Variants in ECE2 observed in about 807,000 individuals in gnomAD.
ECE2 encodes the protein endothelin-converting enzyme 2.
Under a neutral mutation model 100.6 loss-of-function variants are expected in ECE2, and 81 were observed. The ratio of observed to expected loss-of-function variants is 0.81; its 90% confidence interval spans 0.67 to 0.97. The LOEUF (loss-of-function observed/expected upper bound fraction) is 0.97, where lower values mean the gene tolerates loss of function less well. Ranked by LOEUF, ECE2 falls within the 50% of genes least tolerant of loss-of-function variation. ECE2 has a pLI of 0.00. For missense variants in ECE2, 911 were observed against 988.1 expected, an observed-to-expected ratio of 0.92 and a Z score of 1.05; for synonymous variants, 391 against 391.5, an observed-to-expected ratio of 1.00 and a Z score of 0.02.
intron 11 of ECE2, among the ~76,000 whole-genome samples, chr3:184,288,915 G>A (rs1721183871): frequency 2.0e-5 from 3 of 152,168 alleles, no homozygotes; most frequent in African/African-American, 2.4e-5. Context: ...CCAGCACTTT[G>A]GGAGGCTGAG....
In ECE2 at chr3:184,291,948, A is replaced by C; in HGVS notation, c.2122-114A>C. ...GATGTCCAGGGCAGTTTTGGAAGGA[A>C]CTTGGGAGGGGCTGCAGCGGTGGTG... On this transcript the variant is annotated intron_variant, in intron 18 of 18. Transcript: ENST00000404464. This position sits in a 1 kb window ranked among gnomAD's most constrained non-coding sequence, Gnocchi z 4.1. 7.8e-7 allele frequency: 1 copy of C among 1,275,674 alleles called. No homozygotes were observed. The allele number at this position is 1,275,674 out of a possible 1,614,324, so 79.0% of individuals were successfully genotyped here.
At position 184,291,059 on chromosome 3, in the gene ECE2, A is replaced by G. The variant is rs775850510; in HGVS notation, c.1854A>G (p.Glu618=). The change falls in exon 17 of 19, where the codon GAA becomes GAG. Residue 618 remains glutamate (E), a synonymous_variant. Transcript: ENST00000404464. This position sits in a 1 kb window ranked among gnomAD's most constrained non-coding sequence, Gnocchi z 4.1. ...CCTCAGGGCGCGAGTATGACAAAGA[A>G]GGGAACCTGCGGCCCTGGTGGCAGA... ...FDDQGREYDK[E]GNLRPWWQNE... The G allele has an allele frequency of 3.2e-6, 5 of 1,574,856 alleles. No individual in the cohort carries two copies. The Admixed American group carries it at 9.1e-5, about 29-fold the overall frequency.
intron 10 of ECE2, 93 bp downstream of exon 10, chr3:184,285,685 C>T (rs1560185630): frequency 1.1e-6 from 1 of 948,048 alleles, no homozygotes; most frequent in East Asian, 2.4e-5. Context: ...TCATGGTGCA[C>T]AGGTGCATAG....
At position 184,276,980 on chromosome 3, in the gene ECE2, C is replaced by T. The variant is rs1158920907; in HGVS notation, c.215C>T (p.Ala72Val). 4.3e-6 allele frequency: 7 copies of T among 1,614,126 alleles called. No individual in the cohort carries two copies. Among genetic ancestry groups the T allele is most frequent in the Non-Finnish European group, 5.9e-6 (7 of 1,180,000 alleles). ...VLAGASLLLA[A>V]LLLGCLVALG... is the part of the protein sequence containing the mutation. The stretch of plus-strand genomic sequence containing the variant: ...GCAGGTGCCTCTCTACTGCTGGCTG[C>T]ACTGCTTCTGGGCTGCCTTGTGGCC... Residue 72 changes from alanine to valine, a missense_variant, in exon 3 of 19, where the codon GCA (alanine) becomes GTA (valine). Coordinates refer to ENST00000404464, the MANE Select transcript of ECE2 (RefSeq NM_001100121.2).
intron 7 of ECE2, among the ~76,000 whole-genome samples, chr3:184,280,295 G>A (rs374357520): frequency 2.6e-5 from 4 of 152,176 alleles, no homozygotes; most frequent in Admixed American, 2.6e-4. Flanking sequence ...ATCTCTCTGA[G>A]GCTGTTCCCT....
At chr3:184,277,072 C>T (rs1471393112) in intron 3 of ECE2, 45 bp downstream of exon 3, 1 of 1,612,390 alleles carries the variant, frequency 6.2e-7, no homozygotes, top group Admixed American at 1.7e-5. Context: ...ACTAGGGGTT[C>T]TGGAGGCCTA....
chr3:184,288,070 G>A, intron 11 of ECE2, 123 bp downstream of exon 11: 3 of 814,598 alleles, frequency 3.7e-6, no homozygotes, highest in Non-Finnish European at 5.8e-6. Flanking sequence ...CAGCACTTTG[G>A]GAGGCCAAGG....
At position 184,289,469 on chromosome 3, in the gene ECE2, A is replaced by T. The variant is rs1411985229; in HGVS notation, c.1407A>T (p.Ala469=). 7 of 1,611,222 alleles carry T rather than the reference A, an allele frequency of 4.3e-6. No homozygotes were observed. Among genetic ancestry groups the T allele is most frequent in the Non-Finnish European group, 4.2e-6 (5 of 1,178,950 alleles). Residue 469 remains alanine, a synonymous_variant, in exon 12 of 19, where the codon GCA becomes GCT. Coordinates refer to ENST00000404464, the MANE Select transcript of ECE2 (RefSeq NM_001100121.2). The surrounding 1 kb of genome is among the most constrained non-coding windows in gnomAD (Gnocchi z 4.1). The part of the protein sequence containing the change: ...AEGMISEIRT[A]FEEALGQLVW... ...GGATGATCAGCGAAATCCGGACCGC[A>T]TTTGAGGAGGCCCTGGGACAGCTGG...
Position 184,290,257 on chromosome 3 carries a change from C to T in ECE2, c.1554C>T (p.Tyr518=), listed in dbSNP as rs56096270. Residue 518 remains tyrosine (Y), a splice_region_variant and synonymous_variant, in exon 14 of 19, where the codon TAC becomes TAT. Transcript: ENST00000404464. ...PKELDDVYDG[Y]EISEDSFFQN... is the part of the protein sequence containing the mutation. ...TCTACTTCCCACCTTTCCCACAGTA[C>T]GAAATTTCTGAAGATTCTTTCTTCC... is the stretch of plus-strand genomic sequence containing the variant. The T allele has an allele frequency of 6.6e-4, 1,065 of 1,612,954 alleles. No individual in the cohort carries two copies. Among genetic ancestry groups the T allele is most frequent in the Non-Finnish European group, 7.8e-4 (918 of 1,179,236 alleles).
chr3:184,290,993 G>A (rs565466712), intron 16 of ECE2, 47 bp from the exon 17 acceptor site: 13 of 1,558,282 alleles, frequency 8.3e-6, no homozygotes, highest in African/African-American at 1.4e-5. Context: ...CTGCCCCCAA[G>A]AGACGAGCTC....
rs373975947 is a variant in ECE2 at position 184,276,728 on chromosome 3, C to A, written c.126+161C>A. ...ATGGTGAGGCGATGCTAAGCCGTGA[C>A]GTTGCACAAAACAGACTCAAGGCTC... On this transcript the variant is annotated intron_variant, in intron 2 of 18. Transcript: ENST00000404464. The A allele has an allele frequency of 1.9e-6, 3 of 1,545,522 alleles. No individual in the cohort carries two copies. In the African/African-American group the frequency reaches 4.1e-5, roughly 21 times the overall value.
chr3:184,277,877 TCAGCA>T, intron 4 of ECE2, 43 bp from the exon 5 acceptor site: 1 of 1,601,492 alleles, frequency 6.2e-7, no homozygotes, highest in Admixed American at 1.7e-5. Flanking sequence ...GGACTCCCCC[TCAGCA>T]GTTAACGTAA....
At chr3:184,282,813 G>A (rs891827334) in intron 7 of ECE2, among the ~76,000 whole-genome samples, 3 of 152,226 alleles carry the variant, frequency 2.0e-5, no homozygotes, top group Non-Finnish European at 2.9e-5. Flanking sequence ...TCATGAAGTT[G>A]CTGTGTGGGG....
At position 184,289,392 on chromosome 3, in the gene ECE2, T is replaced by C. The variant is rs761694961; in HGVS notation, c.1375-45T>C. On this transcript the variant is annotated intron_variant, in intron 11 of 18. Coordinates refer to ENST00000404464, the MANE Select transcript of ECE2 (RefSeq NM_001100121.2). This position sits in a 1 kb window ranked among gnomAD's most constrained non-coding sequence, Gnocchi z 4.1. ...CAAGGGTGGATGGGTGGGGCAGGGATGCATTCAGTGCAGGGGAAGGCTGAC... is the reference window on the plus strand; with the variant it reads ...CAAGGGTGGATGGGTGGGGCAGGGACGCATTCAGTGCAGGGGAAGGCTGAC... 1 of 1,537,970 alleles carries C rather than the reference T, an allele frequency of 6.5e-7. No individual in the cohort carries two copies.
At chr3:184,278,611 C>T in intron 7 of ECE2, 54 bp downstream of exon 7, 1 of 1,593,498 alleles carries the variant, frequency 6.3e-7, no homozygotes, top group Non-Finnish European at 8.6e-7. Flanking sequence ...CTGGGCTGAT[C>T]CCTGTTGACT....
At chr3:184,282,080 C>A (rs1395751500) in intron 7 of ECE2, among the ~76,000 whole-genome samples, 1 of 152,180 alleles carries the variant, frequency 6.6e-6, no homozygotes, top group African/African-American at 2.4e-5. Context: ...GCCTGGGCGA[C>A]AGAGGGAGAC....
chr3:184,289,380 G>A lies in ECE2; in HGVS notation c.1375-57G>A. ...GGGATGGGGCACCAAGGGTGGATGG[G>A]TGGGGCAGGGATGCATTCAGTGCAG... On this transcript the variant is annotated intron_variant, in intron 11 of 18. Coordinates refer to ENST00000404464, the MANE Select transcript of ECE2 (RefSeq NM_001100121.2). The surrounding 1 kb of genome is among the most constrained non-coding windows in gnomAD (Gnocchi z 4.1). 2.7e-6 allele frequency: 4 copies of A among 1,507,664 alleles called. No homozygotes were observed. Among genetic ancestry groups the A allele is most frequent in the Non-Finnish European group, 3.6e-6 (4 of 1,107,348 alleles). 93.4% of individuals were successfully genotyped at this position (1,507,664 alleles called of 1,614,324 possible).
chr3:184,282,090 C>T lies in ECE2; in HGVS notation c.817-1695C>T, dbSNP rs145233592. Among the ~76,000 whole-genome samples, 464 of 152,250 alleles carry T rather than the reference C, an allele frequency of 3.0e-3. 3 individuals carry two copies. The highest frequency in any genetic ancestry group is 0.011 in the African/African-American group (442 of 41,534). On this transcript the variant is annotated intron_variant, in intron 7 of 18. Coordinates refer to ENST00000404464, the MANE Select transcript of ECE2 (RefSeq NM_001100121.2). ...CTTCAGCCTGGGCGACAGAGGGAGA[C>T]GCCATCTCAAACAAACAACAACAAA...
At chr3:184,290,216 A>G (rs1298682428) in intron 13 of ECE2, 39 bp from the exon 14 acceptor site, 1 of 1,543,012 alleles carries the variant, frequency 6.5e-7, no homozygotes, top group Non-Finnish European at 8.9e-7. Flanking sequence ...TCTCCAATGG[A>G]TTCTCTTGCT....
Sources: allele counts gnomAD v4.1 joint callset (sites outside exome capture counted in the v4.1 genomes callset), GRCh38; gene constraint gnomAD v4.1.1; non-coding constraint Gnocchi (gnomAD v3.1); transcripts MANE v1.5; gene names NCBI Gene and HGNC (gene_info 2026-07-23, HGNC 2026-07-21).